SGMS1: variants seen among roughly 807,000 people sequenced by gnomAD.
The protein encoded by SGMS1 is sphingomyelin synthase 1, also known as phosphatidylcholine:ceramide cholinephosphotransferase 1.
Under a neutral mutation model 46.2 loss-of-function variants are expected in SGMS1, and 13 were observed. The ratio of observed to expected loss-of-function variants is 0.28; its 90% CI spans 0.18 to 0.45. SGMS1 has a LOEUF of 0.45. Among genes scored for constraint, SGMS1 ranks in the 20% least tolerant of loss-of-function variants. The probability of loss-of-function intolerance (pLI) is 1.00; values close to 1 mark genes in which losing one functional copy is unlikely to be tolerated. For synonymous variants in SGMS1, 203 were observed against 187.8 expected, an observed-to-expected ratio of 1.08 and a Z score of -0.66; for missense variants, 324 against 519.9, an observed-to-expected ratio of 0.62 and a Z score of 3.66.
intron 6 of SGMS1, among the ~76,000 whole-genome samples, chr10:50,354,886 A>C (rs1564886509): frequency 1.3e-5 from 2 of 152,208 alleles, no homozygotes. Flanking sequence ...TCAAAACCAC[A>C]ATGAGATACC....
rs575862180 is a variant in SGMS1 at position 50,392,641 on chromosome 10, T to C, written c.-232+40835A>G. On this transcript the variant is annotated intron_variant, in intron 6 of 10. Transcript: ENST00000361781. ...CCTTCATAACATCACCAGGGCACAG[T>C]CCAAGTGTTATTTCAGAAACAAGAG... Among the ~76,000 whole-genome samples, 3 of 152,256 alleles carry C rather than the reference T, an allele frequency of 2.0e-5. No homozygotes were observed. In the South Asian group the frequency reaches 6.2e-4, roughly 32 times the overall value.
intron 3 of SGMS1, among the ~76,000 whole-genome samples, chr10:50,505,929 C>T (rs2133764770): frequency 6.6e-6 from 1 of 152,288 alleles, no homozygotes. Context: ...CCACAATCCA[C>T]CAACATTTTC....
chr10:50,614,697 T>A (rs996359661), intron 1 of SGMS1, among the ~76,000 whole-genome samples: 2 of 152,228 alleles, frequency 1.3e-5, no homozygotes, highest in Non-Finnish European at 2.9e-5. Context: ...CTGATAAACA[T>A]CTGAGGTCAT....
chr10:50,488,527 C>T (rs549724376), intron 3 of SGMS1, among the ~76,000 whole-genome samples: 7 of 152,316 alleles, frequency 4.6e-5, no homozygotes, highest in Admixed American at 1.3e-4. Flanking sequence ...AATCAGTGGT[C>T]TCTCTTTCAT....
At position 50,518,553 on chromosome 10, in the gene SGMS1, A is replaced by C. The variant is rs184636933; in HGVS notation, c.-498+1278T>G. Among the ~76,000 whole-genome samples the C allele has an allele frequency of 4.7e-4, 71 of 152,168 alleles. 1 individual carries two copies. Among genetic ancestry groups the C allele is most frequent in the African/African-American group, 1.4e-3 (60 of 41,488 alleles). ...GTGATTCTCGTGCTTCAGCCTCCCT[A>C]GTAGCTGAGATTACAGGCACGTGCC... On this transcript the variant is annotated intron_variant, in intron 3 of 10. Transcript: ENST00000361781.
chr10:50,567,681 G>A (rs994315848), intron 2 of SGMS1, among the ~76,000 whole-genome samples: 1 of 152,126 alleles, frequency 6.6e-6, no homozygotes, highest in African/African-American at 2.4e-5. Context: ...TTACCTGCAT[G>A]GTCCTGAGAG....
intron 6 of SGMS1, among the ~76,000 whole-genome samples, chr10:50,355,507 G>A (rs1228389006): frequency 1.3e-5 from 2 of 152,202 alleles, no homozygotes; most frequent in African/African-American, 4.8e-5. Flanking sequence ...GCTCCTGACT[G>A]CGAGTGATCT....
At chr10:50,616,024 C>T (rs527998562) in intron 1 of SGMS1, among the ~76,000 whole-genome samples, 1 of 152,324 alleles carries the variant, frequency 6.6e-6, no homozygotes, top group African/African-American at 2.4e-5. Flanking sequence ...GAGAGTGTTA[C>T]ACATTTATTG....
chr10:50,465,472 A>T (rs576224748), intron 4 of SGMS1, among the ~76,000 whole-genome samples: 2 of 152,308 alleles, frequency 1.3e-5, no homozygotes, highest in South Asian at 4.1e-4. Flanking sequence ...CAAAAACAGG[A>T]TCCTAATTTT....
intron 6 of SGMS1, among the ~76,000 whole-genome samples, chr10:50,389,752 C>T (rs1808974605): frequency 6.6e-6 from 1 of 152,162 alleles, no homozygotes; most frequent in Non-Finnish European, 1.5e-5. Context: ...GCCCACAAAA[C>T]ATAAAATCTC....
Position 50,337,565 on chromosome 10 carries a change from T to A in SGMS1, c.623+5927A>T, listed in dbSNP as rs142364298. Among the ~76,000 whole-genome samples the A allele has an allele frequency of 3.6e-3, 541 of 152,224 alleles. 2 individuals are homozygous for A. The highest frequency in any genetic ancestry group is 0.013 in the African/African-American group (530 of 41,534). On this transcript the variant is annotated intron_variant, in intron 7 of 10. Transcript: ENST00000361781. ...CAGTGTCTGTGGGTCATAAACTACC[T>A]TTGGGAACAGAAGAGGAGTTAAGTA...
intron 2 of SGMS1, among the ~76,000 whole-genome samples, chr10:50,540,745 A>G (rs1217835041): frequency 6.6e-6 from 1 of 152,188 alleles, no homozygotes; most frequent in Non-Finnish European, 1.5e-5. Context: ...GCGAGTCACT[A>G]AGGTTATGAA....
chr10:50,452,156 C>G (rs2133662912), intron 5 of SGMS1, among the ~76,000 whole-genome samples: 1 of 152,134 alleles, frequency 6.6e-6, no homozygotes, highest in Admixed American at 6.5e-5. Flanking sequence ...GAAAATTAAT[C>G]TATAAATACA....
chr10:50,341,628 G>C (rs1029175359), intron 7 of SGMS1, among the ~76,000 whole-genome samples: 2 of 151,968 alleles, frequency 1.3e-5, no homozygotes. Context: ...TGAGAAAAAC[G>C]AGGCTCCTGA....
intron 1 of SGMS1, among the ~76,000 whole-genome samples, chr10:50,592,887 G>A (rs1284430654): frequency 6.6e-6 from 1 of 152,188 alleles, no homozygotes; most frequent in Non-Finnish European, 1.5e-5. Flanking sequence ...ATTTAAAAGT[G>A]CGTTTAACTG....
intron 5 of SGMS1, among the ~76,000 whole-genome samples, chr10:50,459,569 AATTTT>A (rs1365174956): frequency 1.7e-3 from 258 of 152,238 alleles, no homozygotes; most frequent in Middle Eastern, 6.8e-3. Flanking sequence ...ATGCCCGGCT[AATTTT>A]TGTATTTTTA....
intron 4 of SGMS1, among the ~76,000 whole-genome samples, chr10:50,465,802 T>C (rs912204718): frequency 4.6e-5 from 7 of 151,858 alleles, no homozygotes; most frequent in Non-Finnish European, 8.8e-5. Context: ...AATATGAAAC[T>C]GCAGAATTCT....
intron 3 of SGMS1, among the ~76,000 whole-genome samples, chr10:50,480,552 AC>A (rs948912038): frequency 1.3e-5 from 2 of 152,040 alleles, no homozygotes; most frequent in African/African-American, 4.8e-5. Flanking sequence ...GGAACTCCCA[AC>A]CCCAGCCAGG....
chr10:50,503,751 T>C (rs1837681723), intron 3 of SGMS1, among the ~76,000 whole-genome samples: 1 of 152,140 alleles, frequency 6.6e-6, no homozygotes, highest in African/African-American at 2.4e-5. Flanking sequence ...GGTTTGGCCT[T>C]AGACGACAAA....
Sources: gnomAD v4.1 joint callset for allele counts (sites outside exome capture counted in the v4.1 genomes callset) on GRCh38, gnomAD v4.1.1 for gene constraint, MANE v1.5 for transcripts, NCBI Gene and HGNC (gene_info 2026-07-23, HGNC 2026-07-21) for gene names.